TRIM71: variants seen among roughly 807,000 people sequenced by gnomAD.
TRIM71 encodes the protein tripartite motif containing 71.
TRIM71 carries 9 observed loss-of-function variants against 61.2 expected under a neutral mutation model. The ratio of observed to expected loss-of-function variants is 0.15; its 90% CI spans 0.09 to 0.26. The LOEUF (loss-of-function observed/expected upper bound fraction) is 0.26. Among genes scored for constraint, TRIM71 ranks in the 10% least tolerant of loss-of-function variants. The pLI is 1.00. For synonymous variants in TRIM71, 645 were observed against 553.2 expected (o/e 1.17, Z -2.33); for missense variants, 998 against 1,238.7 (o/e 0.81, Z 2.92).
At chr3:32,846,771 G>A (rs1696480680) in intron 1 of TRIM71, among the ~76,000 whole-genome samples, 1 of 150,920 alleles carries the variant, frequency 6.6e-6, no homozygotes, top group Non-Finnish European at 1.5e-5. Flanking sequence ...CCATATATAA[G>A]TGACATCATG....
At chr3:32,886,933 G>C (rs1696968176) in intron 3 of TRIM71, among the ~76,000 whole-genome samples, 1 of 152,180 alleles carries the variant, frequency 6.6e-6, no homozygotes, top group African/African-American at 2.4e-5. Context: ...GACCTCTTAA[G>C]GAATATGGCT....
intron 1 of TRIM71, among the ~76,000 whole-genome samples, chr3:32,835,399 C>T (rs1448585224): frequency 6.6e-6 from 1 of 151,962 alleles, no homozygotes; most frequent in Non-Finnish European, 1.5e-5. Context: ...GACAGGTTGG[C>T]TCACTGTGAA....
intron 1 of TRIM71, among the ~76,000 whole-genome samples, chr3:32,822,191 G>T (rs1052342776): frequency 1.3e-5 from 2 of 152,152 alleles, no homozygotes; most frequent in African/African-American, 4.8e-5. Context: ...GTCACTAGCG[G>T]TGAGGGGCAG....
At chr3:32,862,918 C>G (rs71325115) in intron 1 of TRIM71, among the ~76,000 whole-genome samples, 2,576 of 151,964 alleles carry the variant, frequency 0.017, 64 homozygotes, top group East Asian at 0.12. Flanking sequence ...TTGCCTCTTG[C>G]GAGATATAAC....
In TRIM71 at chr3:32,891,901, AAAG is replaced by A; in HGVS notation, c.*96_*98del. 6.7e-7 allele frequency: 1 copy of A among 1,501,956 alleles called. No individual in the cohort carries two copies. The highest frequency in any genetic ancestry group is 8.8e-7 in the Non-Finnish European group (1 of 1,132,704). The allele number at this position is 1,501,956 out of a possible 1,614,324, so 93.0% of individuals were successfully genotyped here. On this transcript the variant is annotated 3_prime_UTR_variant, in exon 4 of 4. Transcript: ENST00000383763. The surrounding 1 kb of genome is among the most constrained non-coding windows in gnomAD (Gnocchi z 8.2). The stretch of plus-strand genomic sequence containing the variant: ...CTCTTTCTCTCTCTTTTTGAATTTC[AAAG>A]AAGAAACAGTCTCAGGGAAATTTCT...
At chr3:32,886,127 A>G in intron 3 of TRIM71, 59 bp downstream of exon 3, 2 of 1,563,896 alleles carry the variant, frequency 1.3e-6, no homozygotes, top group Non-Finnish European at 8.6e-7. Flanking sequence ...GAACCTCAGC[A>G]GCACTCTACG....
Position 32,818,462 on chromosome 3 carries a change from G to T in TRIM71, c.382G>T (p.Asp128Tyr), listed in dbSNP as rs1381799195. 2 of 1,454,834 alleles carry T rather than the reference G, an allele frequency of 1.4e-6. No homozygotes were observed. Among genetic ancestry groups the T allele is most frequent in the Admixed American group, 2.5e-5 (1 of 39,444 alleles). 90.1% of individuals were successfully genotyped at this position (1,454,834 alleles called of 1,614,324 possible). A position where few individuals can be genotyped will look rare whatever the true frequency, so the allele number is the denominator to read the frequency against. The change falls in exon 1 of 4, where the codon GAC (aspartate) becomes TAC (tyrosine). Residue 128 changes from aspartate to tyrosine, a missense_variant. Coordinates refer to ENST00000383763, the MANE Select transcript of TRIM71 (RefSeq NM_001039111.3). ...NLLDAVVATA[D>Y]EPPPKNGRAG... ...GCTCGACGCGGTGGTGGCCACTGCC[G>T]ACGAGCCGCCGCCCAAGAACGGGCG...
rs1008387500 is a variant in TRIM71 at position 32,893,650 on chromosome 3, C to T, written c.*1839C>T. The T allele has an allele frequency of 3.3e-5, 5 of 152,158 alleles. No homozygotes were observed. Among genetic ancestry groups the T allele is most frequent in the Admixed American group, 6.5e-5 (1 of 15,282 alleles). 9.4% of individuals were successfully genotyped at this position (152,158 alleles called of 1,614,324 possible). ...GAAATTTCTATTGCAAAATGGGTAT[C>T]GTTTTAAATGAGCAGAACAGATTAA... On this transcript the variant is annotated 3_prime_UTR_variant, in exon 4 of 4. Coordinates refer to ENST00000383763, the MANE Select transcript of TRIM71 (RefSeq NM_001039111.3).
chr3:32,887,983 C>T (rs1428462037), intron 3 of TRIM71, among the ~76,000 whole-genome samples: 1 of 152,136 alleles, frequency 6.6e-6, no homozygotes, highest in Non-Finnish European at 1.5e-5. Flanking sequence ...TCATGGTCCT[C>T]TGTGAAAACT....
At chr3:32,879,033 A>G (rs990056028) in intron 2 of TRIM71, among the ~76,000 whole-genome samples, 8 of 152,222 alleles carry the variant, frequency 5.3e-5, no homozygotes, top group East Asian at 1.9e-4. Flanking sequence ...TGCAGCTTCT[A>G]TATCAGACTT....
At chr3:32,831,950 A>G (rs1166935440) in intron 1 of TRIM71, among the ~76,000 whole-genome samples, 1 of 152,194 alleles carries the variant, frequency 6.6e-6, no homozygotes, top group East Asian at 1.9e-4. Context: ...AAAATTTGCC[A>G]TCAAAATATT....
chr3:32,851,143 G>A lies in TRIM71; in HGVS notation c.853-22675G>A, dbSNP rs74882975. The stretch of plus-strand genomic sequence containing the variant: ...CACATTTTAAAACCTTGTGTTTCTC[G>A]GGCTGTGGGGAAAAAAGTTTGTTCT... On this transcript the variant is annotated intron_variant, in intron 1 of 3. Coordinates refer to ENST00000383763, the MANE Select transcript of TRIM71 (RefSeq NM_001039111.3). Among the ~76,000 whole-genome samples the A allele has an allele frequency of 5.7e-3, 865 of 152,098 alleles. 7 individuals are homozygous for A. The highest frequency in any genetic ancestry group is 0.027 in the Middle Eastern group (8 of 294).
At chr3:32,882,986 T>C (rs1293397588) in intron 2 of TRIM71, among the ~76,000 whole-genome samples, 1 of 152,210 alleles carries the variant, frequency 6.6e-6, no homozygotes, top group Non-Finnish European at 1.5e-5. Flanking sequence ...CTTTGTTCTC[T>C]CAGACAAAGC....
At chr3:32,841,969 C>T (rs905352499) in intron 1 of TRIM71, among the ~76,000 whole-genome samples, 2 of 152,162 alleles carry the variant, frequency 1.3e-5, no homozygotes, top group African/African-American at 4.8e-5. Flanking sequence ...TCTTGGAACT[C>T]ACGCCATACA....
intron 1 of TRIM71, among the ~76,000 whole-genome samples, chr3:32,847,190 A>ATTTTTTTTTTTTTTTTTTTTTTT (rs35654776): frequency 9.3e-6 from 1 of 107,142 alleles, no homozygotes; most frequent in African/African-American, 3.7e-5. Flanking sequence ...AGGTCCAGCA[A>ATTTTTTTTTTTTTTTTTTTTTTT]TTTTTTTTTT....
intron 1 of TRIM71, among the ~76,000 whole-genome samples, chr3:32,834,130 CAG>C (rs538160039): frequency 4.2e-4 from 64 of 152,300 alleles, no homozygotes; most frequent in African/African-American, 1.1e-3. Context: ...CTTTGGGGCT[CAG>C]AGTTACCTCC....
intron 1 of TRIM71, among the ~76,000 whole-genome samples, chr3:32,826,012 A>G (rs566053536): frequency 1.3e-5 from 2 of 152,264 alleles, no homozygotes; most frequent in South Asian, 4.1e-4. Context: ...GTCCCTTTAC[A>G]TTTGAAACTG....
chr3:32,865,136 TG>T (rs1696718187), intron 1 of TRIM71, among the ~76,000 whole-genome samples: 1 of 152,088 alleles, frequency 6.6e-6, no homozygotes, highest in African/African-American at 2.4e-5. Context: ...GAGACCATCC[TG>T]GCTAACACGA....
At chr3:32,885,847 C>T in intron 2 of TRIM71, 87 bp from the exon 3 acceptor site, 1 of 1,505,048 alleles carries the variant, frequency 6.6e-7, no homozygotes, top group Non-Finnish European at 8.9e-7. Flanking sequence ...GTCAGCTTTT[C>T]AAGTCTGACA....
Sources: gnomAD v4.1 joint callset for allele counts (sites outside exome capture counted in the v4.1 genomes callset) on GRCh38, gnomAD v4.1.1 for gene constraint, Gnocchi (gnomAD v3.1) non-coding constraint, MANE v1.5 for transcripts, NCBI Gene and HGNC (gene_info 2026-07-23, HGNC 2026-07-21) for gene names.